The following DPP6 variants were observed in gnomAD, a reference collection of about 807,000 sequenced individuals.
The protein encoded by DPP6 is dipeptidyl peptidase like 6, also known as A-type potassium channel modulatory protein DPP6.
A neutral mutation model predicts 122.6 loss-of-function variants in DPP6; 69 were observed. The ratio of observed to expected loss-of-function variants is 0.56; its 90% confidence interval spans 0.46 to 0.69. DPP6 has a LOEUF of 0.69. Among genes scored for constraint, DPP6 ranks in the 30% least tolerant of loss-of-function variants. The pLI, the probability that DPP6 is intolerant of heterozygous loss-of-function variation, is 0.00. For missense variants in DPP6, 928 were observed against 1,116.9 expected, an observed-to-expected ratio of 0.83 and a Z score of 2.41; for synonymous variants, 418 against 433.1, an observed-to-expected ratio of 0.97 and a Z score of 0.43.
intron 1 of DPP6, among the ~76,000 whole-genome samples, chr7:154,076,801 A>C (rs1803585851): frequency 6.6e-6 from 1 of 152,058 alleles, no homozygotes; most frequent in African/African-American, 2.4e-5. Flanking sequence ...GTGTACCCTC[A>C]GTCTCCAATG....
At chr7:154,575,324 A>AG (rs1831512982) in intron 5 of DPP6, among the ~76,000 whole-genome samples, 1 of 44,418 alleles carries the variant, frequency 2.3e-5, no homozygotes, top group Non-Finnish European at 4.2e-5. Context: ...TGGTGTGTGT[A>AG]TGTGTGTGTG....
At chr7:153,870,822 G>GT in the DPP6 span, among the ~76,000 whole-genome samples, 1 of 152,216 alleles carries the variant, frequency 6.6e-6, no homozygotes, top group Non-Finnish European at 1.5e-5. Context: ...GTACAGATGG[G>GT]TTTTTGGTGT....
chr7:154,740,688 G>A (rs1301206109), intron 8 of DPP6, among the ~76,000 whole-genome samples: 2 of 152,106 alleles, frequency 1.3e-5, no homozygotes, highest in Non-Finnish European at 1.5e-5. Context: ...AACAATTCTC[G>A]GTTTTACTTA....
At chr7:153,944,664 G>GTTTTTTTT (rs139824215) in intron 1 of DPP6, among the ~76,000 whole-genome samples, 12 of 106,978 alleles carry the variant, frequency 1.1e-4, no homozygotes, top group Admixed American at 3.3e-4. Context: ...TTTTGTGTGG[G>GTTTTTTTT]TTTTTTTTTT....
the DPP6 span, among the ~76,000 whole-genome samples, chr7:153,851,078 C>T: frequency 6.6e-6 from 1 of 152,104 alleles, no homozygotes; most frequent in Non-Finnish European, 1.5e-5. Flanking sequence ...CCTATATTTT[C>T]CCGACAATGT....
At chr7:153,795,890 G>T in the DPP6 span, among the ~76,000 whole-genome samples, 9 of 150,058 alleles carry the variant, frequency 6.0e-5, no homozygotes, top group African/African-American at 2.2e-4. Flanking sequence ...ATTTAAAGGG[G>T]TATAATTTGG....
intron 1 of DPP6, among the ~76,000 whole-genome samples, chr7:154,202,604 C>T (rs1473394908): frequency 1.3e-5 from 2 of 152,162 alleles, no homozygotes; most frequent in African/African-American, 4.8e-5. Flanking sequence ...CTTCAGGGCT[C>T]ACCCACACCT....
intron 1 of DPP6, among the ~76,000 whole-genome samples, chr7:154,363,280 G>C (rs934216515): frequency 6.6e-6 from 1 of 152,206 alleles, no homozygotes. Flanking sequence ...GTTGTTATAA[G>C]AAATGCTCAA....
At chr7:153,954,243 G>A (rs1486856959) in intron 1 of DPP6, among the ~76,000 whole-genome samples, 3 of 152,320 alleles carry the variant, frequency 2.0e-5, no homozygotes, top group African/African-American at 7.2e-5. Context: ...ACTATGATGT[G>A]TGTTTCTTTG....
At chr7:154,837,105 A>G (rs561916985) in intron 16 of DPP6, among the ~76,000 whole-genome samples, 1 of 152,198 alleles carries the variant, frequency 6.6e-6, no homozygotes, top group African/African-American at 2.4e-5. Context: ...ACACACCTGC[A>G]TGCACACACA....
rs890955310 is a variant in DPP6, at chr7:154,132,605, A to G, written c.243+79542A>G. Among the ~76,000 whole-genome samples, 53 of 152,040 alleles carry G rather than the reference A, an allele frequency of 3.5e-4. 1 individual carries two copies. Among genetic ancestry groups the G allele is most frequent in the South Asian group, 4.1e-4 (2 of 4,832 alleles). ...CATTTCGGTTCAGTAGTCTCGAAAG[A>G]TCTCTCTTCCCATTCTTTCTTCAAA... On this transcript the variant is annotated intron_variant, in intron 1 of 25. Transcript: ENST00000377770.
chr7:154,792,685 G>C (rs975040159), intron 10 of DPP6, among the ~76,000 whole-genome samples: 4 of 152,220 alleles, frequency 2.6e-5, no homozygotes, highest in African/African-American at 9.6e-5. Context: ...GGCCAGTATG[G>C]GGAGCAGATG....
chr7:154,579,678 G>A (rs544717479), intron 5 of DPP6, among the ~76,000 whole-genome samples: 208 of 152,268 alleles, frequency 1.4e-3, no homozygotes, highest in African/African-American at 4.4e-3. Context: ...CCCCCCATGG[G>A]GGGGCCCAAA....
intron 1 of DPP6, among the ~76,000 whole-genome samples, chr7:153,971,304 T>C (rs938665227): frequency 3.9e-5 from 6 of 151,926 alleles, no homozygotes; most frequent in Non-Finnish European, 7.4e-5. Flanking sequence ...CTGAACTGTT[T>C]TATTGATTTT....
At chr7:154,134,724 T>C (rs1042010863) in intron 1 of DPP6, among the ~76,000 whole-genome samples, 1 of 152,162 alleles carries the variant, frequency 6.6e-6, no homozygotes, top group African/African-American at 2.4e-5. Flanking sequence ...GAGCTTACAC[T>C]TCCCATGAGC....
chr7:154,711,061 GAA>G (rs1344677950), intron 7 of DPP6, among the ~76,000 whole-genome samples: 1 of 152,222 alleles, frequency 6.6e-6, no homozygotes, highest in African/African-American at 2.4e-5. Context: ...AATAGAGAGA[GAA>G]ATGCAATTGC....
intron 1 of DPP6, among the ~76,000 whole-genome samples, chr7:154,042,309 G>C (rs543332342): frequency 6.6e-6 from 1 of 152,254 alleles, no homozygotes; most frequent in South Asian, 2.1e-4. Context: ...AAGTGAGAAG[G>C]GATATGGGTG....
At chr7:154,211,270 C>A (rs1214053979) in intron 1 of DPP6, among the ~76,000 whole-genome samples, 2 of 152,140 alleles carry the variant, frequency 1.3e-5, no homozygotes, top group African/African-American at 4.8e-5. Context: ...AGACAGCCCC[C>A]ACCTGGGCAT....
chr7:153,913,281 G>T (rs1033271952), intron 1 of DPP6, among the ~76,000 whole-genome samples: 3 of 152,118 alleles, frequency 2.0e-5, no homozygotes, highest in Non-Finnish European at 1.5e-5. Context: ...CACCATGTCA[G>T]CCAGCAGGTC....
Sources: allele counts gnomAD v4.1 joint callset (sites outside exome capture counted in the v4.1 genomes callset), GRCh38; gene constraint gnomAD v4.1.1; transcripts MANE v1.5; gene names NCBI Gene and HGNC (gene_info 2026-07-23, HGNC 2026-07-21).